The following CAPN8 variants were observed in gnomAD, a reference collection of about 807,000 sequenced individuals.
CAPN8 encodes the protein calpain 8.
Under a neutral mutation model 80.9 loss-of-function variants are expected in CAPN8, and 87 were observed. That is an observed-to-expected ratio of 1.07 (90% confidence interval 0.90 to 1.28). The LOEUF (loss-of-function observed/expected upper bound fraction) is 1.28. Ranked by LOEUF, CAPN8 falls within the 50% of genes most tolerant of loss-of-function variation. The pLI is 0.00. For synonymous variants in CAPN8, 299 were observed against 273.8 expected, an observed-to-expected ratio of 1.09 and a Z score of -0.91; for missense variants, 757 against 702.0, an observed-to-expected ratio of 1.08 and a Z score of -0.89.
intron 4 of CAPN8, among the ~76,000 whole-genome samples, chr1:223,627,413 A>T (rs1657622601): frequency 6.6e-6 from 1 of 152,152 alleles, no homozygotes; most frequent in Non-Finnish European, 1.5e-5. Context: ...ACCCCTCCAG[A>T]GTTGGCCCCA....
intron 1 of CAPN8, among the ~76,000 whole-genome samples, chr1:223,657,309 G>A (rs1395762067): frequency 6.6e-6 from 1 of 152,084 alleles, no homozygotes; most frequent in East Asian, 1.9e-4. Flanking sequence ...CAAATAAAAG[G>A]CAGAGAGATC....
In CAPN8 at chr1:223,549,293, A is replaced by T. The variant is rs993679922; in HGVS notation, c.1764+25T>A. 647 of 1,544,474 alleles carry T rather than the reference A, an allele frequency of 4.2e-4. 2 individuals are homozygous for T. In the African/African-American group the frequency reaches 7.8e-3, roughly 19 times the overall value. On this transcript the variant is annotated intron_variant, in intron 16 of 20. Transcript: ENST00000366872. ...AAACCGGACGAAAGTAAAAAAAAAA[A>T]AATAATGCAACATTTAAAGGATACA...
intron 6 of CAPN8, among the ~76,000 whole-genome samples, chr1:223,623,242 A>G (rs1255528513): frequency 6.6e-6 from 1 of 152,204 alleles, no homozygotes; most frequent in African/African-American, 2.4e-5. Flanking sequence ...CCTCCAAACA[A>G]ACACCAAAGC....
chr1:223,611,963 C>G (rs947784523), intron 11 of CAPN8, among the ~76,000 whole-genome samples: 8 of 152,240 alleles, frequency 5.3e-5, no homozygotes, highest in Non-Finnish European at 8.8e-5. Flanking sequence ...GGTTCTCAAC[C>G]TTGGCTGCCC....
intron 2 of CAPN8, among the ~76,000 whole-genome samples, chr1:223,649,028 TC>T (rs1658270214): frequency 6.6e-6 from 1 of 152,200 alleles, no homozygotes; most frequent in African/African-American, 2.4e-5. Flanking sequence ...CATGTGTTAT[TC>T]AAAAAGCACT....
At chr1:223,623,416 C>T (rs1657463036) in intron 6 of CAPN8, among the ~76,000 whole-genome samples, 1 of 152,092 alleles carries the variant, frequency 6.6e-6, no homozygotes, top group Non-Finnish European at 1.5e-5. Context: ...TTACATTATC[C>T]GAGATTATCT....
intron 1 of CAPN8, among the ~76,000 whole-genome samples, chr1:223,655,177 G>A (rs908611032): frequency 6.6e-6 from 1 of 152,174 alleles, no homozygotes; most frequent in Non-Finnish European, 1.5e-5. Flanking sequence ...GCAAAATGCT[G>A]TGCACCCTGT....
chr1:223,611,139 C>A (rs975860407), intron 11 of CAPN8, among the ~76,000 whole-genome samples: 1 of 152,190 alleles, frequency 6.6e-6, no homozygotes, highest in African/African-American at 2.4e-5. Context: ...ATAAATGGGG[C>A]ATTTCTGATG....
chr1:223,644,991 A>T (rs560357446), intron 2 of CAPN8, among the ~76,000 whole-genome samples: 2 of 152,292 alleles, frequency 1.3e-5, no homozygotes, highest in Admixed American at 1.3e-4. Flanking sequence ...GTAAAATTCC[A>T]CAATAAGCCG....
Position 223,665,662 on chromosome 1 carries a change from A to G in CAPN8, c.-16T>C. The G allele has an allele frequency of 6.5e-7, 1 of 1,546,020 alleles. No individual in the cohort carries two copies. The highest frequency in any genetic ancestry group is 8.8e-7 in the Non-Finnish European group (1 of 1,142,788). On this transcript the variant is annotated 5_prime_UTR_variant, in exon 1 of 21. Coordinates refer to ENST00000366872, the MANE Select transcript of CAPN8 (RefSeq NM_001143962.2). ...GGGCTGCCATGGCCGTGGGCTCTGT[A>G]GGGTGGACAGAAGGGCAGGGCTGCA...
rs139149760 is a variant in CAPN8, at chr1:223,544,356, C to T, written c.1913-173G>A. ...TCCCAGAAGGTGTCCTGCCATCCATCCCTCTCCTTGTAGCTACTCCTCACC... is the reference window on the plus strand; with the variant it reads ...TCCCAGAAGGTGTCCTGCCATCCATTCCTCTCCTTGTAGCTACTCCTCACC... On this transcript the variant is annotated intron_variant, in intron 18 of 20. Coordinates refer to ENST00000366872, the MANE Select transcript of CAPN8 (RefSeq NM_001143962.2). 1,497 of 603,332 alleles carry T rather than the reference C, an allele frequency of 2.5e-3. 18 individuals carry two copies. Among genetic ancestry groups the T allele is most frequent in the African/African-American group, 0.02 (1,090 of 54,178 alleles). The allele number at this position is 603,332 out of a possible 1,614,324, so 37.4% of individuals were successfully genotyped here.
chr1:223,557,754 C>A (rs1278266065), intron 13 of CAPN8, among the ~76,000 whole-genome samples: 2 of 152,324 alleles, frequency 1.3e-5, no homozygotes, highest in East Asian at 3.9e-4. Context: ...TTCACATATA[C>A]TTTCATCATT....
intron 2 of CAPN8, among the ~76,000 whole-genome samples, chr1:223,641,957 G>C (rs535255409): frequency 6.6e-6 from 1 of 152,100 alleles, no homozygotes; most frequent in Non-Finnish European, 1.5e-5. Context: ...CACAACCAAC[G>C]GTACTTCAAT....
chr1:223,617,280 T>TTTGGG (rs1553336229), intron 9 of CAPN8: 3 of 137,440 alleles, frequency 2.2e-5, no homozygotes, highest in Non-Finnish European at 4.7e-5. Context: ...ACTTTTTTTT[T>TTTGGG]GGGGGGGGGG....
chr1:223,653,322 G>A (rs539921959), intron 2 of CAPN8, among the ~76,000 whole-genome samples: 21 of 151,942 alleles, frequency 1.4e-4, no homozygotes, highest in African/African-American at 5.1e-4. Context: ...ATTCATTAAA[G>A]GAGAGAACAT....
chr1:223,549,482 T>C (rs542180174), intron 15 of CAPN8, 100 bp from the exon 16 acceptor site: 52 of 1,526,726 alleles, frequency 3.4e-5, no homozygotes, highest in Non-Finnish European at 4.2e-5. Flanking sequence ...CATCCAAGGG[T>C]GTGGAACCGA....
In CAPN8 at chr1:223,541,832, C is replaced by T. The variant is rs371235570; in HGVS notation, c.*4G>A. ...GGAGTGTCACTGATGTCCGAAACCCCGGGTCAGACCAACACGCAGCACAGC... is the reference window on the plus strand; with the variant it reads ...GGAGTGTCACTGATGTCCGAAACCCTGGGTCAGACCAACACGCAGCACAGC... On this transcript the variant is annotated 3_prime_UTR_variant, in exon 21 of 21. Transcript: ENST00000366872. 3.3e-4 allele frequency: 517 copies of T among 1,551,368 alleles called. 1 individual carries two copies. The highest frequency in any genetic ancestry group is 4.1e-4 in the Non-Finnish European group (474 of 1,146,876).
At chr1:223,630,660 T>C (rs1393362941) in intron 2 of CAPN8, among the ~76,000 whole-genome samples, 1 of 152,188 alleles carries the variant, frequency 6.6e-6, no homozygotes, top group East Asian at 1.9e-4. Flanking sequence ...AGAGCTTTTC[T>C]GATCCAGGAG....
At chr1:223,617,237 A>T (rs1209159763) in intron 9 of CAPN8, 2 of 144,230 alleles carry the variant, frequency 1.4e-5, no homozygotes, top group African/African-American at 5.2e-5. Context: ...AGGATTACTT[A>T]TTCAATTCCA....
Sources: gnomAD v4.1 joint callset for allele counts (sites outside exome capture counted in the v4.1 genomes callset) on GRCh38, gnomAD v4.1.1 for gene constraint, MANE v1.5 for transcripts, NCBI Gene and HGNC (gene_info 2026-07-23, HGNC 2026-07-21) for gene names.